CRTC1: variants seen among roughly 807,000 people sequenced by gnomAD.
CRTC1 encodes CREB regulated transcription coactivator 1.
In CRTC1, 18 loss-of-function variants were observed where a neutral mutation model predicts 66.1. The observed-to-expected ratio is 0.27, with a 90% CI of 0.19 to 0.40. CRTC1 has a LOEUF of 0.40. Among genes scored for constraint, CRTC1 ranks in the 10% least tolerant of loss-of-function variants. CRTC1 has a pLI of 1.00. For synonymous variants in CRTC1, 416 were observed against 398.8 expected (o/e 1.04, Z -0.51); for missense variants, 669 against 887.9 (o/e 0.75, Z 3.13).
At chr19:18,755,549 C>T (rs572496048) in intron 6 of CRTC1, among the ~76,000 whole-genome samples, 1 of 151,730 alleles carries the variant, frequency 6.6e-6, no homozygotes, top group South Asian at 2.1e-4. Context: ...CCTGCCTCAG[C>T]CTCCTGTGAT....
chr19:18,764,161 C>T (rs1051886984), intron 8 of CRTC1, among the ~76,000 whole-genome samples: 2 of 152,350 alleles, frequency 1.3e-5, no homozygotes, highest in East Asian at 1.9e-4. Context: ...CTCCCCTCGG[C>T]GCTTGTCGGG....
chr19:18,719,275 C>T (rs563223110), intron 1 of CRTC1, among the ~76,000 whole-genome samples: 11 of 152,330 alleles, frequency 7.2e-5, no homozygotes, highest in East Asian at 3.9e-4. Context: ...TGCCTGGCCC[C>T]GCTAGCCCAG....
rs563127846 is a variant in CRTC1, at chr19:18,741,530, C to T, written c.127-1380C>T. On this transcript the variant is annotated intron_variant, in intron 1 of 13. Transcript: ENST00000321949. This position sits in a 1 kb window ranked among gnomAD's most constrained non-coding sequence, Gnocchi z 4.2. ...GGAGAAAGTCACGGGAGGCCACAGG[C>T]GACCTATGCCCAGGTAGGTGTGGGG... 1.4e-4 allele frequency among the ~76,000 whole-genome samples: 22 copies of T among 152,306 alleles called. No homozygotes were observed. Among genetic ancestry groups the T allele is most frequent in the Non-Finnish European group, 2.1e-4 (14 of 68,022 alleles).
intron 1 of CRTC1, among the ~76,000 whole-genome samples, chr19:18,724,224 T>G (rs764393414): frequency 6.6e-6 from 1 of 151,996 alleles, no homozygotes; most frequent in Non-Finnish European, 1.5e-5. Flanking sequence ...AGCTGATCAG[T>G]CTGTGGGGTG....
chr19:18,761,877 C>T (rs1208820866), intron 8 of CRTC1, among the ~76,000 whole-genome samples: 1 of 152,090 alleles, frequency 6.6e-6, no homozygotes, highest in Non-Finnish European at 1.5e-5. Context: ...AGCCCGAGCG[C>T]ATTGAGGCTG....
At position 18,749,829 on chromosome 19, in the gene CRTC1, G is replaced by A; in HGVS notation, c.492G>A (p.Gln164=). 6.2e-7 allele frequency: 1 copy of A among 1,614,072 alleles called. No homozygotes were observed. Among genetic ancestry groups the A allele is most frequent in the Non-Finnish European group, 8.5e-7 (1 of 1,179,986 alleles). The change falls in exon 5 of 14, where the codon CAG becomes CAA. Residue 164 remains glutamine, a synonymous_variant. Transcript: ENST00000321949. The part of the protein sequence containing the change: ...ALHQSTMTPT[Q]PESFSSGSQD... ...ACCAGAGCACAATGACGCCCACGCA[G>A]CCAGAATCCTTTAGCAGTGGGTCCC...
chr19:18,747,418 C>CT (rs1020064908), intron 4 of CRTC1, among the ~76,000 whole-genome samples: 13 of 152,190 alleles, frequency 8.5e-5, no homozygotes, highest in African/African-American at 3.1e-4. Flanking sequence ...AGGCGGATCA[C>CT]TTGAGGTCAG....
At chr19:18,685,472 C>T (rs896447349) in intron 1 of CRTC1, among the ~76,000 whole-genome samples, 14 of 152,082 alleles carry the variant, frequency 9.2e-5, no homozygotes, top group South Asian at 6.2e-4. Flanking sequence ...GCCTGGCCAA[C>T]GTGGTGAAAC....
At chr19:18,730,920 A>G (rs1392159234) in intron 1 of CRTC1, among the ~76,000 whole-genome samples, 1 of 152,074 alleles carries the variant, frequency 6.6e-6, no homozygotes, top group Non-Finnish European at 1.5e-5. Flanking sequence ...GGCTTGTCCC[A>G]GGCCCTCCAC....
rs192533862 is a variant in CRTC1, at chr19:18,753,706, C to T, written c.624+121C>T. ...CACCTTCCCAAGACAGGGAACCTCA[C>T]TCCGATTTTTCCATCTTCAAATTCA... is the stretch of plus-strand genomic sequence containing the variant. On this transcript the variant is annotated intron_variant, in intron 6 of 13. Transcript: ENST00000321949. The T allele has an allele frequency of 7.8e-4, 526 of 670,924 alleles. 6 individuals are homozygous for T. In the East Asian group the frequency reaches 0.014, roughly 18 times the overall value. 41.6% of individuals were successfully genotyped at this position (670,924 alleles called of 1,614,324 possible). A position where few individuals can be genotyped will look rare whatever the true frequency, so the allele number is the denominator to read the frequency against.
Position 18,765,419 on chromosome 19 carries a change from G to T in CRTC1, c.902G>T (p.Gly301Val). 6.2e-7 allele frequency: 1 copy of T among 1,612,616 alleles called. No individual in the cohort carries two copies. The highest frequency in any genetic ancestry group is 8.5e-7 in the Non-Finnish European group (1 of 1,179,492). Residue 301 changes from glycine to valine, a missense_variant, in exon 9 of 14, where the codon GGC becomes GTC. Gly to Val is a moderately radical substitution (Grantham distance 109). Coordinates refer to ENST00000321949, the MANE Select transcript of CRTC1 (RefSeq NM_015321.3). ...GGAGQGMSTP[G>V]SSPQHRPAGV... ...TCCTCTCTAGGAATGAGCACACCTG[G>T]CTCCTCTCCACAGCACCGCCCAGCT...
chr19:18,724,096 C>T (rs2053689302), intron 1 of CRTC1, among the ~76,000 whole-genome samples: 1 of 152,162 alleles, frequency 6.6e-6, no homozygotes, highest in African/African-American at 2.4e-5. Context: ...ACCGTGAGCC[C>T]AGGCTTGTTC....
intron 1 of CRTC1, among the ~76,000 whole-genome samples, chr19:18,717,369 T>C (rs1226000087): frequency 2.0e-5 from 3 of 152,016 alleles, no homozygotes; most frequent in Non-Finnish European, 4.4e-5. Flanking sequence ...TAATGACCAC[T>C]GGGTAGTGGC....
chr19:18,702,016 C>G (rs771823372), intron 1 of CRTC1, among the ~76,000 whole-genome samples: 4 of 146,828 alleles, frequency 2.7e-5, no homozygotes, highest in Non-Finnish European at 4.5e-5. Flanking sequence ...CTCCTCCTCC[C>G]GGGTTCAAGC....
chr19:18,743,484 A>G (rs947254580), intron 2 of CRTC1, among the ~76,000 whole-genome samples: 2 of 152,210 alleles, frequency 1.3e-5, no homozygotes, highest in African/African-American at 4.8e-5. Context: ...GCCTTATCGT[A>G]AACAGGAGAT....
At position 18,774,159 on chromosome 19, in the gene CRTC1, C is replaced by T. The variant is rs552153591; in HGVS notation, c.1426-741C>T. Among the ~76,000 whole-genome samples, 65 of 152,282 alleles carry T rather than the reference C, an allele frequency of 4.3e-4. 1 individual carries two copies. The highest frequency in any genetic ancestry group is 3.4e-3 in the Middle Eastern group (1 of 294). On this transcript the variant is annotated intron_variant, in intron 11 of 13. Transcript: ENST00000321949. Reference sequence around the variant, plus strand: ...GCTGGGGTTCCCGAGGCCTCGTCCACGGCCACCCCCTCCTCGCCTCCACAC... The same window carrying T: ...GCTGGGGTTCCCGAGGCCTCGTCCATGGCCACCCCCTCCTCGCCTCCACAC...
chr19:18,745,352 G>A (rs1422208628), intron 2 of CRTC1, among the ~76,000 whole-genome samples: 3 of 152,178 alleles, frequency 2.0e-5, no homozygotes, highest in Non-Finnish European at 4.4e-5. Flanking sequence ...GGTGGGCCCC[G>A]AAACAGTCCT....
intron 1 of CRTC1, among the ~76,000 whole-genome samples, chr19:18,733,190 C>T (rs764690577): frequency 4.6e-5 from 7 of 152,118 alleles, no homozygotes; most frequent in Non-Finnish European, 8.8e-5. Flanking sequence ...CTCAATTTAC[C>T]AGCTTGCAAA....
Position 18,760,360 on chromosome 19 carries a change from A to G in CRTC1, c.886+132A>G. ...GGGACAGGGCTGGGGGGCGGCCGAC[A>G]GGCTGACCCAGCGGGCACAGGCATC... is the stretch of plus-strand genomic sequence containing the variant. On this transcript the variant is annotated intron_variant, in intron 8 of 13. Coordinates refer to ENST00000321949, the MANE Select transcript of CRTC1 (RefSeq NM_015321.3). The surrounding 1 kb of genome is among the most constrained non-coding windows in gnomAD (Gnocchi z 6.2). 1 of 765,420 alleles carries G rather than the reference A, an allele frequency of 1.3e-6. No homozygotes were observed. Among genetic ancestry groups the G allele is most frequent in the South Asian group, 1.7e-5 (1 of 57,362 alleles). The allele number at this position is 765,420 out of a possible 1,614,324, so 47.4% of individuals were successfully genotyped here. A position where few individuals can be genotyped will look rare whatever the true frequency, so the allele number is the denominator to read the frequency against.
Sources: allele counts gnomAD v4.1 joint callset (sites outside exome capture counted in the v4.1 genomes callset), GRCh38; gene constraint gnomAD v4.1.1; non-coding constraint Gnocchi (gnomAD v3.1); transcripts MANE v1.5; gene names NCBI Gene and HGNC (gene_info 2026-07-23, HGNC 2026-07-21).